RO60: variants seen among roughly 807,000 people sequenced by gnomAD.
The protein encoded by RO60 is RNA-binding protein RO60.
A neutral mutation model predicts 55.3 loss-of-function variants in RO60; 20 were observed. That is an observed-to-expected ratio of 0.36 (90% confidence interval 0.25 to 0.53). The LOEUF is 0.53. Ranked by LOEUF, RO60 falls within the 20% of genes least tolerant of loss-of-function variation. The pLI, the probability that RO60 is intolerant of heterozygous loss-of-function variation, is 0.92. For missense variants in RO60, 558 were observed against 646.6 expected (o/e 0.86, Z 1.49); for synonymous variants, 213 against 213.6 (o/e 1.00, Z 0.02).
intron 2 of RO60, among the ~76,000 whole-genome samples, chr1:193,073,566 G>GTGTTTGTT (rs551668164): frequency 2.0e-5 from 3 of 151,816 alleles, no homozygotes; most frequent in African/African-American, 4.8e-5. Flanking sequence ...TTACATCACT[G>GTGTTTGTT]TGTTTGTTTG....
At chr1:193,060,181 G>A (rs1202603303) in intron 1 of RO60, 4 of 1,066,736 alleles carry the variant, frequency 3.7e-6, no homozygotes, top group South Asian at 3.2e-5. Context: ...TGGGAAGACA[G>A]GGTGAATTTA....
At chr1:193,060,030 C>A in intron 1 of RO60, 2 of 1,350,640 alleles carry the variant, frequency 1.5e-6, no homozygotes, top group Non-Finnish European at 9.9e-7. Context: ...GAAGCCGGGA[C>A]CGCTCCTGCT....
rs1185828433 is a variant in RO60, at chr1:193,085,269, C to T, written c.*538C>T. On this transcript the variant is annotated 3_prime_UTR_variant, in exon 9 of 9. Transcript: ENST00000400968. Reference sequence around the variant, plus strand: ...AATTATGAATGAGTTTTACAAATTCCTTTCAGAGTTTTACTAAGATCACAC... The same window carrying T: ...AATTATGAATGAGTTTTACAAATTCTTTTCAGAGTTTTACTAAGATCACAC... 2.7e-6 allele frequency: 3 copies of T among 1,110,470 alleles called. No individual in the cohort carries two copies. The highest frequency in any genetic ancestry group is 3.3e-6 in the Non-Finnish European group (3 of 908,786). 68.8% of individuals were successfully genotyped at this position (1,110,470 alleles called of 1,614,324 possible). A position where few individuals can be genotyped will look rare whatever the true frequency, so the allele number is the denominator to read the frequency against.
Position 193,086,042 on chromosome 1 carries a change from G to T in RO60, c.*1311G>T, listed in dbSNP as rs1334185454. 7 of 983,434 alleles carry T rather than the reference G, an allele frequency of 7.1e-6. No homozygotes were observed. The African/African-American group carries it at 1.1e-4, about 15-fold the overall frequency. 60.9% of individuals were successfully genotyped at this position (983,434 alleles called of 1,614,324 possible). A position where few individuals can be genotyped will look rare whatever the true frequency, so the allele number is the denominator to read the frequency against. On this transcript the variant is annotated 3_prime_UTR_variant, in exon 9 of 9. Transcript: ENST00000400968. ...CTAAGGTAGCTTACACATAAAACCT[G>T]TTTGCGTATCTGTTGTTCTCTAAAT...
intron 1 of RO60, among the ~76,000 whole-genome samples, chr1:193,061,604 A>G (rs1672743135): frequency 6.6e-6 from 1 of 152,260 alleles, no homozygotes; most frequent in Admixed American, 6.5e-5. Flanking sequence ...AATGTGTGTT[A>G]CTAGCATTTC....
At position 193,069,489 on chromosome 1, in the gene RO60, T is replaced by A; in HGVS notation, c.435T>A (p.Gly145=). The change falls in exon 2 of 9, where the codon GGT becomes GGA. Residue 145 remains glycine, a synonymous_variant. Coordinates refer to ENST00000400968, the MANE Select transcript of RO60 (RefSeq NM_001173524.2). Reference sequence around the variant, plus strand: ...AAAGCATGAAATGTGGCATGTGGGGTCGTGCCCTCCGGAAGGCTATAGCGG... The same window carrying A: ...AAAGCATGAAATGTGGCATGTGGGGACGTGCCCTCCGGAAGGCTATAGCGG... ...LKESMKCGMW[G]RALRKAIADW... is the part of the protein sequence containing the mutation. The A allele has an allele frequency of 6.2e-7, 1 of 1,614,164 alleles. No individual in the cohort carries two copies. The highest frequency in any genetic ancestry group is 8.5e-7 in the Non-Finnish European group (1 of 1,180,026).
At chr1:193,068,237 G>T (rs1303132318) in intron 1 of RO60, among the ~76,000 whole-genome samples, 8 of 152,190 alleles carry the variant, frequency 5.3e-5, no homozygotes, top group Admixed American at 5.2e-4. Context: ...CAGCAGCTGG[G>T]AACTTGTGAT....
chr1:193,075,773 T>G (rs1400087556), intron 2 of RO60, 47 bp from the exon 3 acceptor site: 1 of 1,410,454 alleles, frequency 7.1e-7, no homozygotes, highest in Non-Finnish European at 9.7e-7. Context: ...TTCTGTTTTT[T>G]TACTTGGTAA....
chr1:193,084,724 T>C lies in RO60; in HGVS notation c.1610T>C (p.Met537Thr), dbSNP rs1386048693. 12 of 1,611,970 alleles carry C rather than the reference T, an allele frequency of 7.4e-6. No individual in the cohort carries two copies. The highest frequency in any genetic ancestry group is 2.7e-5 in the African/African-American group (2 of 74,812). ...GTAATTCGAAATTTCACATTAGATA[T>C]GATTTAACCATAAGCAGCAGCACGA... ...LDVIRNFTLDMI is the reference protein window; with the variant it reads ...LDVIRNFTLDTI Residue 537 changes from methionine (M) to threonine (T), a missense_variant, in exon 9 of 9, where the codon ATG becomes ACG. Coordinates refer to ENST00000400968, the MANE Select transcript of RO60 (RefSeq NM_001173524.2).
rs934867881 is a variant in RO60, at chr1:193,086,423, A to T, written c.*1692A>T. The T allele has an allele frequency of 2.0e-5, 3 of 152,126 alleles. No individual in the cohort carries two copies. The highest frequency in any genetic ancestry group is 4.4e-5 in the Non-Finnish European group (3 of 67,994). The allele number at this position is 152,126 out of a possible 1,614,324, so 9.4% of individuals were successfully genotyped here. A position where few individuals can be genotyped will look rare whatever the true frequency, so the allele number is the denominator to read the frequency against. On this transcript the variant is annotated 3_prime_UTR_variant, in exon 9 of 9. Transcript: ENST00000400968. The stretch of plus-strand genomic sequence containing the variant: ...TAGCACCCTCACCCCCACTCCAGAC[A>T]TGCATTGCTTCTGATGTTGTTCACG...
chr1:193,085,265 A>G lies in RO60; in HGVS notation c.*534A>G, dbSNP rs1387892625. On this transcript the variant is annotated 3_prime_UTR_variant, in exon 9 of 9. Coordinates refer to ENST00000400968, the MANE Select transcript of RO60 (RefSeq NM_001173524.2). ...ATTAAATTATGAATGAGTTTTACAA[A>G]TTCCTTTCAGAGTTTTACTAAGATC... is the stretch of plus-strand genomic sequence containing the variant. 1.8e-6 allele frequency: 2 copies of G among 1,117,918 alleles called. No homozygotes were observed. Among genetic ancestry groups the G allele is most frequent in the Non-Finnish European group, 2.2e-6 (2 of 913,084 alleles). 69.2% of individuals were successfully genotyped at this position (1,117,918 alleles called of 1,614,324 possible).
Position 193,085,104 on chromosome 1 carries a change from G to GT in RO60, c.*377dup, listed in dbSNP as rs957190429. ...AGAAGTGCTTAACGTTTTCTTAAATGTTTTCATTGGGAAAGGACAGCTTTG... is the reference window on the plus strand; with the variant it reads ...AGAAGTGCTTAACGTTTTCTTAAATGTTTTTCATTGGGAAAGGACAGCTTTG... On this transcript the variant is annotated 3_prime_UTR_variant, in exon 9 of 9. Transcript: ENST00000400968. The GT allele has an allele frequency of 6.9e-7, 1 of 1,451,468 alleles. No individual in the cohort carries two copies. Among genetic ancestry groups the GT allele is most frequent in the African/African-American group, 1.4e-5 (1 of 70,646 alleles). 89.9% of individuals were successfully genotyped at this position (1,451,468 alleles called of 1,614,324 possible).
chr1:193,073,800 A>G (rs563643913), intron 2 of RO60, among the ~76,000 whole-genome samples: 85 of 152,114 alleles, frequency 5.6e-4, no homozygotes, highest in African/African-American at 2.0e-3. Flanking sequence ...GGTTTGTTAC[A>G]TATGTATACA....
At chr1:193,079,182 G>A (rs1023309468) in intron 5 of RO60, among the ~76,000 whole-genome samples, 4 of 150,354 alleles carry the variant, frequency 2.7e-5, no homozygotes, top group African/African-American at 7.3e-5. Flanking sequence ...CCGCCTCCTG[G>A]GTTCAAGTGA....
Position 193,075,877 on chromosome 1 carries a change from A to G in RO60, c.638A>G (p.Tyr213Cys), listed in dbSNP as rs768930823. The G allele has an allele frequency of 3.7e-6, 6 of 1,612,988 alleles. No homozygotes were observed. The South Asian group carries it at 5.5e-5, about 15-fold the overall frequency. Residue 213 changes from tyrosine (Y) to cysteine (C), a missense_variant, in exon 3 of 9, where the codon TAT (tyrosine) becomes TGT (cysteine). Tyr to Cys is a radical substitution (Grantham distance 194, BLOSUM62 -2). Coordinates refer to ENST00000400968, the MANE Select transcript of RO60 (RefSeq NM_001173524.2). ...GGCTGGAAAGAAGTTCATGAATTGT[A>G]TAAAGAAAAAGCACTCTCTGTGGAG... ...TKGWKEVHEL[Y>C]KEKALSVETE... is the part of the protein sequence containing the mutation.
rs1270601553 is a variant in RO60, at chr1:193,087,779, A to G, written c.*3048A>G. 2 of 152,112 alleles carry G rather than the reference A, an allele frequency of 1.3e-5. No homozygotes were observed. Among genetic ancestry groups the G allele is most frequent in the Non-Finnish European group, 2.9e-5 (2 of 68,014 alleles). The allele number at this position is 152,112 out of a possible 1,614,324, so 9.4% of individuals were successfully genotyped here. On this transcript the variant is annotated 3_prime_UTR_variant, in exon 9 of 9. Coordinates refer to ENST00000400968, the MANE Select transcript of RO60 (RefSeq NM_001173524.2). ...TTTTTTGGTTAAAAACATTCTTGTT[A>G]ATAAGATACGTATTTCAAAAGATAA...
In RO60 at chr1:193,084,890, A is replaced by T; in HGVS notation, c.*159A>T. On this transcript the variant is annotated 3_prime_UTR_variant, in exon 9 of 9. Coordinates refer to ENST00000400968, the MANE Select transcript of RO60 (RefSeq NM_001173524.2). ...TGAAAAAAAAAAAAGAAGGAAAAAT[A>T]AGATGGGCCCAAAGGTCTATCTACT... 30 of 1,475,356 alleles carry T rather than the reference A, an allele frequency of 2.0e-5. No individual in the cohort carries two copies. The highest frequency in any genetic ancestry group is 2.7e-5 in the Non-Finnish European group (30 of 1,117,818). The allele number at this position is 1,475,356 out of a possible 1,614,324, so 91.4% of individuals were successfully genotyped here. A position where few individuals can be genotyped will look rare whatever the true frequency, so the allele number is the denominator to read the frequency against.
At chr1:193,073,311 T>A (rs979606685) in intron 2 of RO60, among the ~76,000 whole-genome samples, 2 of 152,236 alleles carry the variant, frequency 1.3e-5, no homozygotes, top group Admixed American at 6.5e-5. Context: ...TTGATCAAGT[T>A]ATTTAGCATT....
At position 193,077,003 on chromosome 1, in the gene RO60, G is replaced by A; in HGVS notation, c.1039G>A (p.Glu347Lys). Residue 347 changes from glutamate (E) to lysine (K), a missense_variant, in exon 5 of 9, where the codon GAA becomes AAA. Glu to Lys is a moderately conservative substitution (Grantham distance 56). Coordinates refer to ENST00000400968, the MANE Select transcript of RO60 (RefSeq NM_001173524.2). ...LRGKLKWRPD[E>K]EILKALDAAF... ...AGGGAAACTGAAGTGGCGCCCTGATGAAGAAATTTTGAAAGCATTGGATGC... is the reference window on the plus strand; with the variant it reads ...AGGGAAACTGAAGTGGCGCCCTGATAAAGAAATTTTGAAAGCATTGGATGC... 6.2e-7 allele frequency: 1 copy of A among 1,612,848 alleles called. No homozygotes were observed. Among genetic ancestry groups the A allele is most frequent in the African/African-American group, 1.3e-5 (1 of 75,022 alleles).
Sources: gnomAD v4.1 joint callset for allele counts (sites outside exome capture counted in the v4.1 genomes callset) on GRCh38, gnomAD v4.1.1 for gene constraint, MANE v1.5 for transcripts, NCBI Gene and HGNC (gene_info 2026-07-23, HGNC 2026-07-21) for gene names.